Variants in ANKRD62 observed in about 807,000 individuals in gnomAD.
ANKRD62 encodes the protein ankyrin repeat domain-containing protein 62.
ANKRD62 carries 61 observed loss-of-function variants against 98.8 expected under a neutral mutation model. The ratio of observed to expected loss-of-function variants is 0.62; its 90% CI spans 0.50 to 0.76. The LOEUF (loss-of-function observed/expected upper bound fraction) is 0.76. ANKRD62 is among the 30% of genes least tolerant of loss of function. The pLI, the probability that ANKRD62 is intolerant of heterozygous loss-of-function variation, is 0.00. For missense variants in ANKRD62, 933 were observed against 1,082.9 expected, an observed-to-expected ratio of 0.86 and a Z score of 1.94; for synonymous variants, 341 against 367.9, an observed-to-expected ratio of 0.93 and a Z score of 0.84.
intron 6 of ANKRD62, among the ~76,000 whole-genome samples, chr18:12,100,181 T>A (rs775987219): frequency 2.6e-4 from 39 of 152,214 alleles, no homozygotes; most frequent in Admixed American, 5.2e-4. Context: ...CATGACTTAT[T>A]GTTGACTAGA....
the ANKRD62 span, among the ~76,000 whole-genome samples, chr18:12,176,183 C>G: frequency 1.9e-4 from 29 of 151,846 alleles, no homozygotes; most frequent in African/African-American, 6.6e-4. Context: ...CAGAGTGAGA[C>G]TCCTTCTCAA....
intron 8 of ANKRD62, among the ~76,000 whole-genome samples, chr18:12,109,682 A>G (rs1031128503): frequency 3.9e-5 from 6 of 152,164 alleles, no homozygotes; most frequent in African/African-American, 1.2e-4. Context: ...TTTTATATAA[A>G]TATTTACAAT....
chr18:12,146,522 C>G, the ANKRD62 span, among the ~76,000 whole-genome samples: 4 of 152,110 alleles, frequency 2.6e-5, no homozygotes, highest in Non-Finnish European at 2.9e-5. Flanking sequence ...CTCGGCTCAC[C>G]GCAACCTCCG....
At chr18:12,171,452 G>A in the ANKRD62 span, among the ~76,000 whole-genome samples, 8 of 152,110 alleles carry the variant, frequency 5.3e-5, no homozygotes, top group Non-Finnish European at 8.8e-5. Flanking sequence ...CTTCAAGAAC[G>A]TTGAATATTG....
At chr18:12,137,035 T>C in the ANKRD62 span, among the ~76,000 whole-genome samples, 1 of 152,172 alleles carries the variant, frequency 6.6e-6, no homozygotes, top group African/African-American at 2.4e-5. Context: ...TGAATGCCCT[T>C]TATTTCCTTC....
the ANKRD62 span, among the ~76,000 whole-genome samples, chr18:12,161,546 A>G: frequency 6.6e-6 from 1 of 152,110 alleles, no homozygotes; most frequent in Admixed American, 6.6e-5. Flanking sequence ...ATCCAATTAT[A>G]GTCTTACAGT....
At chr18:12,138,834 A>C in the ANKRD62 span, among the ~76,000 whole-genome samples, 1 of 151,988 alleles carries the variant, frequency 6.6e-6, no homozygotes, top group East Asian at 1.9e-4. Context: ...TGTTGGTTTA[A>C]AGTCTGTTTT....
At chr18:12,111,020 G>A (rs2143912282) in intron 8 of ANKRD62, among the ~76,000 whole-genome samples, 1 of 151,720 alleles carries the variant, frequency 6.6e-6, no homozygotes, top group South Asian at 2.1e-4. Flanking sequence ...TTGGGAGGCT[G>A]AGGTGGGCGG....
chr18:12,111,577 GA>G (rs1180784110), intron 8 of ANKRD62, among the ~76,000 whole-genome samples: 2 of 152,106 alleles, frequency 1.3e-5, no homozygotes, highest in Non-Finnish European at 1.5e-5. Flanking sequence ...TCAAGAGAAA[GA>G]AATAATGGGC....
chr18:12,123,374 G>A (rs935583694), intron 11 of ANKRD62, among the ~76,000 whole-genome samples: 2 of 152,092 alleles, frequency 1.3e-5, no homozygotes, highest in Admixed American at 1.3e-4. Flanking sequence ...TTAATATGCA[G>A]CGAATGAAAA....
chr18:12,098,973 T>A (rs555757099), intron 5 of ANKRD62, among the ~76,000 whole-genome samples: 1 of 152,352 alleles, frequency 6.6e-6, no homozygotes, highest in South Asian at 2.1e-4. Context: ...GATAATCATG[T>A]TATCTATTTT....
At chr18:12,102,443 A>G in intron 6 of ANKRD62, 1 of 470,932 alleles carries the variant, frequency 2.1e-6, no homozygotes, top group South Asian at 2.0e-5. Flanking sequence ...GGCACCGCGA[A>G]GGGTACTCAG....
chr18:12,137,788 T>C, the ANKRD62 span, among the ~76,000 whole-genome samples: 1,694 of 152,312 alleles, frequency 0.011, 31 homozygotes, highest in African/African-American at 0.039. Flanking sequence ...GTGTATGTGT[T>C]GAGGAATTTA....
At chr18:12,101,654 T>C (rs1909301802) in intron 6 of ANKRD62, among the ~76,000 whole-genome samples, 1 of 152,152 alleles carries the variant, frequency 6.6e-6, no homozygotes, top group Admixed American at 6.5e-5. Context: ...AATTTGATCA[T>C]ATATTAATAG....
the ANKRD62 span, among the ~76,000 whole-genome samples, chr18:12,139,808 T>C: frequency 6.6e-6 from 1 of 152,160 alleles, no homozygotes; most frequent in South Asian, 2.1e-4. Flanking sequence ...CTTTGGTGAA[T>C]CTGACAATTA....
intron 8 of ANKRD62, among the ~76,000 whole-genome samples, chr18:12,111,405 C>A (rs1306121479): frequency 6.6e-6 from 1 of 152,012 alleles, no homozygotes; most frequent in Non-Finnish European, 1.5e-5. Context: ...AAGGAACATA[C>A]CTCAAAATAA....
chr18:12,099,939 T>G (rs2143897029), intron 6 of ANKRD62, among the ~76,000 whole-genome samples: 1 of 152,290 alleles, frequency 6.6e-6, no homozygotes, highest in South Asian at 2.1e-4. Context: ...TATTTTTGTG[T>G]AAATAAGAAA....
chr18:12,170,240 C>A, the ANKRD62 span, among the ~76,000 whole-genome samples: 1 of 152,172 alleles, frequency 6.6e-6, no homozygotes, highest in Admixed American at 6.5e-5. Flanking sequence ...AATTTTAGAT[C>A]TTTCCTGCTT....
the ANKRD62 span, among the ~76,000 whole-genome samples, chr18:12,167,511 A>G: frequency 8.5e-5 from 13 of 152,178 alleles, no homozygotes; most frequent in African/African-American, 2.9e-4. Flanking sequence ...TATATGTGCC[A>G]CATTTTCTTA....
Sources: allele counts gnomAD v4.1 joint callset (sites outside exome capture counted in the v4.1 genomes callset), GRCh38; gene constraint gnomAD v4.1.1; transcripts MANE v1.5; gene names NCBI Gene and HGNC (gene_info 2026-07-23, HGNC 2026-07-21).